Variants in HEATR4 observed in about 807,000 individuals in gnomAD.
HEATR4 encodes HEAT repeat containing 4, also known as HEAT repeat-containing protein 4.
A neutral mutation model predicts 108.8 loss-of-function variants in HEATR4; 95 were observed. The observed-to-expected ratio is 0.87, with a 90% CI of 0.74 to 1.04. The LOEUF (loss-of-function observed/expected upper bound fraction) is 1.04, where lower values mean the gene tolerates loss of function less well. HEATR4 is among the 50% of genes least tolerant of loss of function. The pLI is 0.00. For missense variants in HEATR4, 1,152 were observed against 1,253.8 expected (o/e 0.92, Z 1.23); for synonymous variants, 443 against 459.4 (o/e 0.96, Z 0.46).
In HEATR4 at chr14:73,551,043, G is replaced by C. The variant is rs140985766; in HGVS notation, c.-152+7708C>G. ...GTGGTGGCATGTGCCTGTAGTCCCA[G>C]CTACTTGGAGGTTGAGAGGCTGAGG... On this transcript the variant is annotated intron_variant, in intron 1 of 17. Coordinates refer to ENST00000553558, the MANE Select transcript of HEATR4 (RefSeq NM_001220484.1). Among the ~76,000 whole-genome samples the C allele has an allele frequency of 1.8e-3, 209 of 113,306 alleles. 39 individuals are homozygous for C. The highest frequency in any genetic ancestry group is 4.9e-3 in the African/African-American group (170 of 34,794). The allele number at this position is 113,306 out of a possible 152,430, so 74.3% of individuals were successfully genotyped here.
chr14:73,498,294 A>C lies in HEATR4; in HGVS notation c.2407T>G (p.Trp803Gly). 1 of 1,612,800 alleles carries C rather than the reference A, an allele frequency of 6.2e-7. No individual in the cohort carries two copies. The highest frequency in any genetic ancestry group is 8.5e-7 in the Non-Finnish European group (1 of 1,178,974). ...VSPELTDLLL[W>G]AIHYEESPGV... The stretch of plus-strand genomic sequence containing the variant: ...GGTGACTCTTCATAGTGGATAGCCC[A>C]GAGCAGAAGATCCGTCAGCTCGGGA... Residue 803 changes from tryptophan to glycine, a missense_variant, in exon 14 of 18, where the codon TGG becomes GGG. Trp to Gly is a radical substitution (Grantham distance 184, BLOSUM62 -2). Transcript: ENST00000553558.
the HEATR4 span, among the ~76,000 whole-genome samples, chr14:73,623,623 C>T: frequency 2.0e-5 from 3 of 152,084 alleles, no homozygotes; most frequent in Non-Finnish European, 4.4e-5. Context: ...GGAATTCTCG[C>T]TATGATGATG....
intron 17 of HEATR4, among the ~76,000 whole-genome samples, chr14:73,489,228 A>C (rs7156875): frequency 0.77 from 116,864 of 151,854 alleles, 45,328 homozygotes; most frequent in East Asian, 0.86. Flanking sequence ...GACAACCCCT[A>C]GCCCCCTATA....
rs1460829414 is a variant in HEATR4 at position 73,531,640 on chromosome 14, C to T, written c.-151-1396G>A. Among the ~76,000 whole-genome samples, 2 of 110,416 alleles carry T rather than the reference C, an allele frequency of 1.8e-5. 1 individual carries two copies. The highest frequency in any genetic ancestry group is 3.9e-5 in the Non-Finnish European group (2 of 51,218). 72.4% of individuals were successfully genotyped at this position (110,416 alleles called of 152,430 possible). Reference sequence around the variant, plus strand: ...GCCAGGCTGTTCTCGAACTCCTGACCTCAAGTGATGCACCTGCCTTGGCCT... The same window carrying T: ...GCCAGGCTGTTCTCGAACTCCTGACTTCAAGTGATGCACCTGCCTTGGCCT... On this transcript the variant is annotated intron_variant, in intron 1 of 17. Transcript: ENST00000553558.
chr14:73,521,103 T>A, intron 3 of HEATR4, 64 bp from the exon 4 acceptor site: 1 of 1,387,542 alleles, frequency 7.2e-7, no homozygotes, highest in Non-Finnish European at 1.0e-6. Context: ...CCCTTTCCAT[T>A]AAATCCACAG....
intron 5 of HEATR4, among the ~76,000 whole-genome samples, chr14:73,517,677 AAAAAG>A (rs1428368342): frequency 6.7e-6 from 1 of 150,122 alleles, no homozygotes; most frequent in East Asian, 1.9e-4. Flanking sequence ...AAAAAAAAAA[AAAAAG>A]AAGAAGAAAA....
intron 11 of HEATR4, 65 bp from the exon 12 acceptor site, chr14:73,500,795 A>C: frequency 6.9e-7 from 1 of 1,444,318 alleles, no homozygotes; most frequent in Non-Finnish European, 9.6e-7. Context: ...CCCAACCCCC[A>C]CTAATGCCCT....
At chr14:73,580,030 G>A in the HEATR4 span, among the ~76,000 whole-genome samples, 11 of 152,098 alleles carry the variant, frequency 7.2e-5, no homozygotes, top group East Asian at 1.9e-4. Context: ...CCTGGGAGTC[G>A]GAGGTTGCAG....
the HEATR4 span, among the ~76,000 whole-genome samples, chr14:73,621,849 A>T: frequency 6.9e-6 from 1 of 144,226 alleles, no homozygotes; most frequent in East Asian, 2.0e-4. Flanking sequence ...CTGCAGCCTC[A>T]ACCTCCTGGG....
chr14:73,580,754 G>C, the HEATR4 span: 2 of 152,006 alleles, frequency 1.3e-5, no homozygotes, highest in African/African-American at 4.8e-5. Context: ...TACTTAACAA[G>C]CATCTAGGTA....
the HEATR4 span, chr14:73,619,772 A>C: frequency 6.2e-7 from 1 of 1,610,520 alleles, no homozygotes; most frequent in South Asian, 1.1e-5. Flanking sequence ...GATGCCTGGC[A>C]GCAAATTCAA....
intron 17 of HEATR4, 97 bp from the exon 18 acceptor site, chr14:73,478,939 C>T (rs1885124546): frequency 1.3e-5 from 9 of 675,596 alleles, no homozygotes; most frequent in South Asian, 2.6e-5. Context: ...AGGGTGTCTC[C>T]TTTTTTTTTT....
chr14:73,564,510 G>A, the HEATR4 span, among the ~76,000 whole-genome samples: 3 of 151,586 alleles, frequency 2.0e-5, no homozygotes, highest in African/African-American at 4.8e-5. Flanking sequence ...GGAGGCTGAG[G>A]TGGGAGGACT....
intron 12 of HEATR4, among the ~76,000 whole-genome samples, chr14:73,499,956 G>A (rs534674472): frequency 5.3e-5 from 8 of 152,294 alleles, no homozygotes; most frequent in South Asian, 2.1e-4. Context: ...TATGCCAGGC[G>A]CGGTGGCTCA....
At chr14:73,561,426 G>A (rs1313615389), upstream of HEATR4, among the ~76,000 whole-genome samples, 3 of 151,978 alleles carry the variant, frequency 2.0e-5, no homozygotes, top group Admixed American at 6.6e-5. Context: ...AGTGGCTCAC[G>A]CCTATAATCC....
rs1158786607 is a variant in HEATR4, at chr14:73,478,793, C to T, written c.2894G>A (p.Gly965Asp). ...PNPWLQSSVP[G>D]LTTRSKVRSS... Reference sequence around the variant, plus strand: ...ACGAACTTTGCTTCGTGTGGTTAGGCCTGGGACTGAACTTTGTAACCAGGG... The same window carrying T: ...ACGAACTTTGCTTCGTGTGGTTAGGTCTGGGACTGAACTTTGTAACCAGGG... Residue 965 changes from glycine to aspartate, a missense_variant, in exon 18 of 18, where the codon GGC becomes GAC. Transcript: ENST00000553558. The T allele has an allele frequency of 1.2e-6, 2 of 1,612,652 alleles. No individual in the cohort carries two copies. The highest frequency in any genetic ancestry group is 1.7e-6 in the Non-Finnish European group (2 of 1,179,486).
upstream of HEATR4, among the ~76,000 whole-genome samples, chr14:73,561,702 G>A (rs905141041): frequency 6.6e-6 from 1 of 151,950 alleles, no homozygotes; most frequent in African/African-American, 2.4e-5. Flanking sequence ...TGAATGAAAT[G>A]GCTGTGTGAG....
At chr14:73,631,979 G>C in the HEATR4 span, 1 of 158,726 alleles carries the variant, frequency 6.3e-6, no homozygotes, top group Non-Finnish European at 1.4e-5. Flanking sequence ...CTGGAACAAG[G>C]TGGCGATCTC....
At chr14:73,537,060 T>G in intron 1 of HEATR4, 1 of 176,768 alleles carries the variant, frequency 5.7e-6, no homozygotes, top group South Asian at 9.7e-5. Context: ...CTTGGCCAAC[T>G]GCAAGCTCCA....
Sources: gnomAD v4.1 joint callset for allele counts (sites outside exome capture counted in the v4.1 genomes callset) on GRCh38, gnomAD v4.1.1 for gene constraint, MANE v1.5 for transcripts, NCBI Gene and HGNC (gene_info 2026-07-23, HGNC 2026-07-21) for gene names.